Variants in ZNF423 observed in about 807,000 individuals in gnomAD.
ZNF423 encodes Ebf-associated zinc finger protein.
A neutral mutation model predicts 95.8 loss-of-function variants in ZNF423; 12 were observed. The observed-to-expected ratio is 0.13, with a 90% CI of 0.08 to 0.20. ZNF423 has a LOEUF of 0.20. Ranked by LOEUF, ZNF423 falls within the 10% of genes least tolerant of loss-of-function variation. The probability of loss-of-function intolerance (pLI) is 1.00; values close to 1 mark genes in which losing one functional copy is unlikely to be tolerated. For missense variants in ZNF423, 1,316 were observed against 1,737.1 expected, an observed-to-expected ratio of 0.76 and a Z score of 4.31; for synonymous variants, 749 against 711.9, an observed-to-expected ratio of 1.05 and a Z score of -0.83.
At chr16:49,512,989 G>C (rs374873812) in intron 7 of ZNF423, among the ~76,000 whole-genome samples, 1 of 152,126 alleles carries the variant, frequency 6.6e-6, no homozygotes, top group Non-Finnish European at 1.5e-5. Flanking sequence ...CCAGCTACTC[G>C]GGAGGCTGAA....
chr16:49,518,102 G>A (rs1034776031), intron 7 of ZNF423: 3 of 440,764 alleles, frequency 6.8e-6, no homozygotes, highest in African/African-American at 6.1e-5. Context: ...AAAGTTCATT[G>A]CAAGCCCTAT....
At chr16:49,540,120 C>T (rs1969196943) in intron 5 of ZNF423, among the ~76,000 whole-genome samples, 1 of 152,204 alleles carries the variant, frequency 6.6e-6, no homozygotes, top group Non-Finnish European at 1.5e-5. Flanking sequence ...GAGGCAGACA[C>T]ACACATGCAC....
Position 49,525,424 on chromosome 16 carries a change from G to A in ZNF423, c.3672C>T (p.His1224=). ...TGCCCTCGAAGCTGTGCTCAATGAG[G>A]TGACAGAGGAGCTTGGCCGGGGAGT... ...MFDSPAKLLC[H]LIEHSFEGMG... is the part of the protein sequence containing the mutation. The change falls in exon 6 of 8, where the codon CAC becomes CAT. Residue 1224 remains histidine, a synonymous_variant. Coordinates refer to ENST00000563137, the MANE Select transcript of ZNF423 (RefSeq NM_001379286.1). 1 of 1,614,106 alleles carries A rather than the reference G, an allele frequency of 6.2e-7. No homozygotes were observed. Among genetic ancestry groups the A allele is most frequent in the South Asian group, 1.1e-5 (1 of 91,074 alleles).
At chr16:49,611,515 T>G (rs1971721291) in intron 5 of ZNF423, among the ~76,000 whole-genome samples, 1 of 151,902 alleles carries the variant, frequency 6.6e-6, no homozygotes, top group Non-Finnish European at 1.5e-5. Context: ...AAGAGGGAAA[T>G]GTATAGCAAT....
intron 5 of ZNF423, among the ~76,000 whole-genome samples, chr16:49,543,866 C>T (rs1310353166): frequency 2.0e-5 from 3 of 152,208 alleles, no homozygotes; most frequent in Non-Finnish European, 4.4e-5. Context: ...TTGGGCAAGT[C>T]GCTGACCTCT....
At chr16:49,705,807 C>A (rs1297876979) in intron 3 of ZNF423, among the ~76,000 whole-genome samples, 1 of 152,218 alleles carries the variant, frequency 6.6e-6, no homozygotes, top group Non-Finnish European at 1.5e-5. Flanking sequence ...CTTGGCCTCC[C>A]AAAGTGCTGG....
At chr16:49,592,469 C>T (rs1242184112) in intron 5 of ZNF423, among the ~76,000 whole-genome samples, 1 of 152,224 alleles carries the variant, frequency 6.6e-6, no homozygotes, top group African/African-American at 2.4e-5. Context: ...AGTTTGGGAC[C>T]TATTCGACCC....
intron 3 of ZNF423, among the ~76,000 whole-genome samples, chr16:49,654,313 T>C (rs1216236122): frequency 6.6e-6 from 1 of 152,006 alleles, no homozygotes; most frequent in Non-Finnish European, 1.5e-5. Flanking sequence ...ATCTCACAGG[T>C]GGTGGTGGGA....
At chr16:49,777,001 T>A (rs2034132547) in intron 2 of ZNF423, among the ~76,000 whole-genome samples, 1 of 152,212 alleles carries the variant, frequency 6.6e-6, no homozygotes, top group African/African-American at 2.4e-5. Context: ...TGTGCATGCA[T>A]TTGTAAGTGT....
chr16:49,510,836 A>T (rs894542620), intron 7 of ZNF423, among the ~76,000 whole-genome samples: 10 of 152,138 alleles, frequency 6.6e-5, no homozygotes, highest in Non-Finnish European at 1.3e-4. Flanking sequence ...AGCGCCGGGG[A>T]GGGGTTCGGC....
At chr16:49,648,686 G>A (rs1973274828) in intron 3 of ZNF423, among the ~76,000 whole-genome samples, 1 of 151,738 alleles carries the variant, frequency 6.6e-6, no homozygotes, top group Non-Finnish European at 1.5e-5. Context: ...AAAACTCTAA[G>A]AGATTTACTT....
intron 2 of ZNF423, among the ~76,000 whole-genome samples, chr16:49,761,305 C>T (rs1209410103): frequency 2.6e-5 from 4 of 152,218 alleles, no homozygotes; most frequent in Admixed American, 6.5e-5. Context: ...GCCATTGCTA[C>T]GACTGAGGAG....
chr16:49,816,007 C>G (rs1175329248), intron 1 of ZNF423, among the ~76,000 whole-genome samples: 1 of 146,830 alleles, frequency 6.8e-6, no homozygotes, highest in Admixed American at 6.9e-5. Flanking sequence ...CAAACTTCAC[C>G]TCCCAGGCTC....
intron 1 of ZNF423, among the ~76,000 whole-genome samples, chr16:49,796,018 T>C (rs1237420802): frequency 6.6e-6 from 1 of 152,078 alleles, no homozygotes; most frequent in Non-Finnish European, 1.5e-5. Context: ...TAACCATGGT[T>C]CCTGGGGTGC....
Position 49,626,066 on chromosome 16 carries a change from G to A in ZNF423, c.3601+104C>T, listed in dbSNP as rs1972253418. Reference sequence around the variant, plus strand: ...GCAATGTCTCAGAAACAGCAGCAGTGACTCTGTCCTTTGGCCTAAAAGCCA... The same window carrying A: ...GCAATGTCTCAGAAACAGCAGCAGTAACTCTGTCCTTTGGCCTAAAAGCCA... On this transcript the variant is annotated intron_variant, in intron 5 of 7. Coordinates refer to ENST00000563137, the MANE Select transcript of ZNF423 (RefSeq NM_001379286.1). 3.6e-6 allele frequency: 4 copies of A among 1,108,566 alleles called. No homozygotes were observed. The Admixed American group carries it at 7.1e-5, about 20-fold the overall frequency. The allele number at this position is 1,108,566 out of a possible 1,614,324, so 68.7% of individuals were successfully genotyped here.
At position 49,523,687 on chromosome 16, in the gene ZNF423, C is replaced by T. The variant is rs1261908097; in HGVS notation, c.3786G>A (p.Gln1262=). The change falls in exon 7 of 8, where the codon CAG becomes CAA. Residue 1262 remains glutamine, a synonymous_variant. Transcript: ENST00000563137. ...LQQHIFAVHG[Q]EDKIYDCSQC... is the part of the protein sequence containing the mutation. ...GTGAGCAGTCGTAGATCTTGTCCTC[C>T]TGCCCGTGCACGGCAAAGATGTGCT... 1 of 1,614,188 alleles carries T rather than the reference C, an allele frequency of 6.2e-7. No individual in the cohort carries two copies. Among genetic ancestry groups the T allele is most frequent in the South Asian group, 1.1e-5 (1 of 91,086 alleles).
intron 3 of ZNF423, among the ~76,000 whole-genome samples, chr16:49,678,888 C>T (rs2031232045): frequency 6.6e-6 from 1 of 152,198 alleles, no homozygotes; most frequent in Non-Finnish European, 1.5e-5. Flanking sequence ...GGAATCAATT[C>T]TCAATCCATA....
At chr16:49,677,223 CAAGAA>C (rs2031090718) in intron 3 of ZNF423, among the ~76,000 whole-genome samples, 3 of 41,630 alleles carry the variant, frequency 7.2e-5, no homozygotes, top group Admixed American at 7.3e-4. Flanking sequence ...AACATAGAAA[CAAGAA>C]AAGAGAAGAG....
intron 2 of ZNF423, among the ~76,000 whole-genome samples, chr16:49,740,149 A>T (rs2033383803): frequency 6.6e-6 from 1 of 152,040 alleles, no homozygotes; most frequent in African/African-American, 2.4e-5. Context: ...TACAGAAGTG[A>T]GCCACTGTAC....
Sources: gnomAD v4.1 joint callset for allele counts (sites outside exome capture counted in the v4.1 genomes callset) on GRCh38, gnomAD v4.1.1 for gene constraint, MANE v1.5 for transcripts, NCBI Gene and HGNC (gene_info 2026-07-23, HGNC 2026-07-21) for gene names.